CDH18: variants seen among roughly 807,000 people sequenced by gnomAD.
CDH18 encodes the protein cadherin-18.
Under a neutral mutation model 67.9 loss-of-function variants are expected in CDH18, and 31 were observed. That is an observed-to-expected ratio of 0.46 (90% CI 0.34 to 0.62). The LOEUF (loss-of-function observed/expected upper bound fraction) is 0.62, where lower values mean the gene tolerates loss of function less well. Ranked by LOEUF, CDH18 falls within the 20% of genes least tolerant of loss-of-function variation. The probability of loss-of-function intolerance (pLI) is 0.01; values close to 1 mark genes in which losing one functional copy is unlikely to be tolerated. For synonymous variants in CDH18, 362 were observed against 347.2 expected, an observed-to-expected ratio of 1.04 and a Z score of -0.48; for missense variants, 890 against 975.5, an observed-to-expected ratio of 0.91 and a Z score of 1.17.
intron 2 of CDH18, among the ~76,000 whole-genome samples, chr5:19,847,367 T>G (rs1233785030): frequency 6.6e-6 from 1 of 152,102 alleles, no homozygotes; most frequent in Non-Finnish European, 1.5e-5. Context: ...AGTTATCTGA[T>G]TCTTCATTCT....
rs1376118055 is a variant in CDH18 at position 19,496,228 on chromosome 5, C to T, written c.1630+6764G>A. 3.3e-5 allele frequency among the ~76,000 whole-genome samples: 5 copies of T among 152,178 alleles called. No homozygotes were observed. The East Asian group carries it at 9.6e-4, about 29-fold the overall frequency. On this transcript the variant is annotated intron_variant, in intron 11 of 12. Coordinates refer to ENST00000382275, the MANE Select transcript of CDH18 (RefSeq NM_004934.5). ...TAAAAACAGACAAATCAGAGACAAA[C>T]TGAAACTAAACAAAACTGCAAATCA... is the stretch of plus-strand genomic sequence containing the variant.
chr5:19,643,480 T>C (rs1754319766), intron 5 of CDH18, among the ~76,000 whole-genome samples: 1 of 152,186 alleles, frequency 6.6e-6, no homozygotes, highest in Non-Finnish European at 1.5e-5. Context: ...ATTTATGCAA[T>C]GAAGTGTTAT....
At chr5:20,091,197 A>T (rs2150560185) in intron 2 of CDH18, among the ~76,000 whole-genome samples, 1 of 152,262 alleles carries the variant, frequency 6.6e-6, no homozygotes, top group South Asian at 2.1e-4. Flanking sequence ...TACAAAACAC[A>T]TTTTAAGGCC....
At position 19,739,088 on chromosome 5, in the gene CDH18, C is replaced by T. The variant is rs538058495; in HGVS notation, c.523+7854G>A. 2.7e-4 allele frequency among the ~76,000 whole-genome samples: 41 copies of T among 151,970 alleles called. 2 individuals are homozygous for T. In the East Asian group the frequency reaches 7.7e-3, roughly 29 times the overall value. On this transcript the variant is annotated intron_variant, in intron 4 of 12. Coordinates refer to ENST00000382275, the MANE Select transcript of CDH18 (RefSeq NM_004934.5). ...TAAAAAGAATCTTTACCCAATGAAACAGATATTGGAACAATTATGTTCCAA... is the reference window on the plus strand; with the variant it reads ...TAAAAAGAATCTTTACCCAATGAAATAGATATTGGAACAATTATGTTCCAA...
chr5:20,022,122 T>A (rs574227866), intron 2 of CDH18, among the ~76,000 whole-genome samples: 2 of 152,342 alleles, frequency 1.3e-5, no homozygotes, highest in African/African-American at 4.8e-5. Flanking sequence ...AGTATTGTGT[T>A]TCACTGAAAA....
At chr5:20,282,103 G>C (rs557629915) in intron 1 of CDH18, among the ~76,000 whole-genome samples, 3 of 152,230 alleles carry the variant, frequency 2.0e-5, no homozygotes, top group South Asian at 4.1e-4. Flanking sequence ...TCAGCTTAAG[G>C]AGATTTTGGG....
intron 9 of CDH18, among the ~76,000 whole-genome samples, chr5:19,528,122 A>G (rs1748029431): frequency 6.6e-6 from 1 of 151,698 alleles, no homozygotes; most frequent in Admixed American, 6.6e-5. Flanking sequence ...CAATTGGCCC[A>G]CTCAATTATA....
intron 3 of CDH18, among the ~76,000 whole-genome samples, chr5:19,785,005 A>G (rs1266875505): frequency 6.6e-6 from 1 of 152,120 alleles, no homozygotes; most frequent in Non-Finnish European, 1.5e-5. Flanking sequence ...TCTGTCCCCC[A>G]GTCCTGGAGC....
chr5:20,461,174 G>A (rs1021266259), intron 1 of CDH18, among the ~76,000 whole-genome samples: 4 of 152,176 alleles, frequency 2.6e-5, no homozygotes, highest in African/African-American at 9.7e-5. Context: ...CTTAAGTGCT[G>A]AGTATTTGTT....
rs192326853 is a variant in CDH18 at position 19,621,277 on chromosome 5, C to A, written c.644-8676G>T. On this transcript the variant is annotated intron_variant, in intron 5 of 12. Coordinates refer to ENST00000382275, the MANE Select transcript of CDH18 (RefSeq NM_004934.5). The stretch of plus-strand genomic sequence containing the variant: ...TCTGGATCATAAGGCAGTTCTATTT[C>A]TTAATATTGTGTTGAATTCCTATGC... Among the ~76,000 whole-genome samples the A allele has an allele frequency of 3.2e-3, 436 of 135,754 alleles. 1 individual carries two copies. The highest frequency in any genetic ancestry group is 5.4e-3 in the Non-Finnish European group (348 of 64,308). 89.1% of individuals were successfully genotyped at this position (135,754 alleles called of 152,430 possible). A position where few individuals can be genotyped will look rare whatever the true frequency, so the allele number is the denominator to read the frequency against.
At chr5:19,783,130 T>C (rs922765870) in intron 3 of CDH18, among the ~76,000 whole-genome samples, 2 of 152,288 alleles carry the variant, frequency 1.3e-5, no homozygotes, top group African/African-American at 4.8e-5. Flanking sequence ...GAACAAATCC[T>C]GATAAAGCCT....
chr5:20,404,870 T>A (rs1470662157), intron 1 of CDH18, among the ~76,000 whole-genome samples: 1 of 152,128 alleles, frequency 6.6e-6, no homozygotes, highest in Non-Finnish European at 1.5e-5. Flanking sequence ...AAAATCACAA[T>A]AAATAGTACA....
chr5:20,156,485 A>C (rs1256224756), intron 2 of CDH18, among the ~76,000 whole-genome samples: 1 of 152,172 alleles, frequency 6.6e-6, no homozygotes, highest in Non-Finnish European at 1.5e-5. Flanking sequence ...GAAACAGTCA[A>C]ATACCGTATG....
At chr5:20,529,270 A>G (rs920549505) in intron 1 of CDH18, among the ~76,000 whole-genome samples, 1 of 134,584 alleles carries the variant, frequency 7.4e-6, no homozygotes, top group African/African-American at 3.7e-5. Flanking sequence ...CCAATGGGGA[A>G]AAAAAAAAAG....
At chr5:20,573,806 A>AATATATATATATATATAT (rs60858438) in intron 1 of CDH18, among the ~76,000 whole-genome samples, 1 of 119,120 alleles carries the variant, frequency 8.4e-6, no homozygotes, top group East Asian at 3.3e-4. Flanking sequence ...ACTTAAAAGA[A>AATATATATATATATATAT]ATATATATAT....
chr5:19,480,570 G>C (rs1030150735), intron 12 of CDH18, among the ~76,000 whole-genome samples: 2 of 151,686 alleles, frequency 1.3e-5, no homozygotes, highest in African/African-American at 4.8e-5. Flanking sequence ...GTAGAGACAG[G>C]GTTTCACCGT....
At chr5:19,759,803 G>A (rs1197527247) in intron 3 of CDH18, among the ~76,000 whole-genome samples, 1 of 152,098 alleles carries the variant, frequency 6.6e-6, no homozygotes, top group African/African-American at 2.4e-5. Context: ...TGTAGTGGGG[G>A]CCCTACATTA....
intron 1 of CDH18, among the ~76,000 whole-genome samples, chr5:20,519,775 T>C (rs1388239555): frequency 2.6e-5 from 4 of 151,946 alleles, no homozygotes; most frequent in Non-Finnish European, 2.9e-5. Flanking sequence ...TGTTAGATGA[T>C]GCATTTGCTC....
chr5:20,561,084 A>G (rs146546753), intron 1 of CDH18, among the ~76,000 whole-genome samples: 39 of 152,084 alleles, frequency 2.6e-4, no homozygotes, highest in Admixed American at 5.2e-4. Flanking sequence ...AGAATGGCCA[A>G]AATTCAGAAC....
Sources: gnomAD v4.1 joint callset for allele counts (sites outside exome capture counted in the v4.1 genomes callset) on GRCh38, gnomAD v4.1.1 for gene constraint, MANE v1.5 for transcripts, NCBI Gene and HGNC (gene_info 2026-07-23, HGNC 2026-07-21) for gene names.